The following PLPP7 variants were observed in gnomAD, a reference collection of about 807,000 sequenced individuals.
PLPP7 encodes phospholipid phosphatase 7 (inactive), also known as inactive phospholipid phosphatase 7.
Under a neutral mutation model 16.9 loss-of-function variants are expected in PLPP7, and 11 were observed. The ratio of observed to expected loss-of-function variants is 0.65; its 90% CI spans 0.41 to 1.08. The LOEUF (loss-of-function observed/expected upper bound fraction) is 1.08, where lower values mean the gene tolerates loss of function less well. Among genes scored for constraint, PLPP7 ranks in the 50% least tolerant of loss-of-function variants. PLPP7 has a pLI of 0.00. For missense variants in PLPP7, 358 were observed against 397.1 expected, an observed-to-expected ratio of 0.90 and a Z score of 0.84; for synonymous variants, 174 against 175.1, an observed-to-expected ratio of 0.99 and a Z score of 0.05.
rs1588206391 is a variant in PLPP7, at chr9:131,290,502, G to C, written c.451+54G>C. The C allele has an allele frequency of 1.4e-6, 2 of 1,457,478 alleles. No individual in the cohort carries two copies. The highest frequency in any genetic ancestry group is 4.8e-5 in the East Asian group (2 of 41,454). 90.3% of individuals were successfully genotyped at this position (1,457,478 alleles called of 1,614,324 possible). A position where few individuals can be genotyped will look rare whatever the true frequency, so the allele number is the denominator to read the frequency against. Reference sequence around the variant, plus strand: ...TGTCAGGCCCCTCGGGAGGCAGCCTGGCCTGCCCAACCCCACCCTGGCCGG... The same window carrying C: ...TGTCAGGCCCCTCGGGAGGCAGCCTCGCCTGCCCAACCCCACCCTGGCCGG... On this transcript the variant is annotated intron_variant, in intron 1 of 1. Transcript: ENST00000372264. This position sits in a 1 kb window ranked among gnomAD's most constrained non-coding sequence, Gnocchi z 4.2.
intron 1 of PLPP7, among the ~76,000 whole-genome samples, chr9:131,294,906 A>G (rs1274602508): frequency 6.6e-6 from 1 of 151,772 alleles, no homozygotes; most frequent in African/African-American, 2.4e-5. Flanking sequence ...TGGCCTCCCA[A>G]AGTGCTGGGA....
In PLPP7 at chr9:131,290,133, T is replaced by A. The variant is rs753129266; in HGVS notation, c.136T>A (p.Ser46Thr). The A allele has an allele frequency of 1.9e-6, 3 of 1,564,940 alleles. No individual in the cohort carries two copies. The highest frequency in any genetic ancestry group is 1.8e-5 in the Admixed American group (1 of 55,028). ...CTCGGGCAGAAAGGCCTCGGGCCCA[T>A]CAGCACAGCCCCCACCTGCTGGTGA... ...RSSGRKASGPSAQPPPAGDGA... is the reference protein window; with the variant it reads ...RSSGRKASGPTAQPPPAGDGA... Residue 46 changes from serine to threonine, a missense_variant, in exon 1 of 2, where the codon TCA becomes ACA. Ser to Thr is a moderately conservative substitution (Grantham distance 58, BLOSUM62 1). Coordinates refer to ENST00000372264, the MANE Select transcript of PLPP7 (RefSeq NM_032728.4). The surrounding 1 kb of genome is among the most constrained non-coding windows in gnomAD (Gnocchi z 4.2).
intron 1 of PLPP7, among the ~76,000 whole-genome samples, chr9:131,304,629 T>G (rs978279963): frequency 1.3e-5 from 2 of 151,982 alleles, no homozygotes; most frequent in Non-Finnish European, 2.9e-5. Context: ...AGTGAGACTC[T>G]GTCTCAAAAA....
chr9:131,295,887 G>T lies in PLPP7; in HGVS notation c.451+5439G>T, dbSNP rs1279197137. On this transcript the variant is annotated intron_variant, in intron 1 of 1. Coordinates refer to ENST00000372264, the MANE Select transcript of PLPP7 (RefSeq NM_032728.4). This position sits in a 1 kb window ranked among gnomAD's most constrained non-coding sequence, Gnocchi z 4.0. Reference sequence around the variant, plus strand: ...TCAGTTACAGGATGGACCACATTTCGTGTATCCATTCGTGCACCCATGGAC... The same window carrying T: ...TCAGTTACAGGATGGACCACATTTCTTGTATCCATTCGTGCACCCATGGAC... Among the ~76,000 whole-genome samples, 1 of 152,060 alleles carries T rather than the reference G, an allele frequency of 6.6e-6. No homozygotes were observed. Among genetic ancestry groups the T allele is most frequent in the Non-Finnish European group, 1.5e-5 (1 of 68,014 alleles).
chr9:131,294,259 C>G (rs1835712026), intron 1 of PLPP7, among the ~76,000 whole-genome samples: 1 of 151,828 alleles, frequency 6.6e-6, no homozygotes, highest in African/African-American at 2.4e-5. Flanking sequence ...GTGACTTTGC[C>G]TCTCTGAGCC....
chr9:131,292,024 T>C (rs1211934247), intron 1 of PLPP7, among the ~76,000 whole-genome samples: 3 of 152,222 alleles, frequency 2.0e-5, no homozygotes, highest in Non-Finnish European at 4.4e-5. Context: ...TAAAGCAACC[T>C]GGCCCAGCCT....
At chr9:131,294,236 G>A (rs1835711696) in intron 1 of PLPP7, among the ~76,000 whole-genome samples, 1 of 152,020 alleles carries the variant, frequency 6.6e-6, no homozygotes, top group South Asian at 2.1e-4. Flanking sequence ...CCCTGCTGTG[G>A]GAACTCAGGC....
rs190651731 is a variant in PLPP7 at position 131,294,319 on chromosome 9, T to C, written c.451+3871T>C. Among the ~76,000 whole-genome samples, 333 of 152,324 alleles carry C rather than the reference T, an allele frequency of 2.2e-3. 1 individual carries two copies. The highest frequency in any genetic ancestry group is 7.7e-3 in the African/African-American group (320 of 41,572). ...GTTGTTGGGAAATCTCCCTGATGAA[T>C]CACACATGAAGTGCTTGGCACTTAC... On this transcript the variant is annotated intron_variant, in intron 1 of 1. Coordinates refer to ENST00000372264, the MANE Select transcript of PLPP7 (RefSeq NM_032728.4).
rs759445487 is a variant in PLPP7, at chr9:131,308,055, G to C, written c.584G>C (p.Ser195Thr). The C allele has an allele frequency of 6.2e-7, 1 of 1,601,144 alleles. No individual in the cohort carries two copies. The highest frequency in any genetic ancestry group is 1.1e-5 in the South Asian group (1 of 91,076). ...TACGCCTTCCCGGCCGGGCACGCCA[G>C]CCGCGCCGCCATGGTGTCCAAGTTC... Reference protein sequence around the residue: ...DIYAFPAGHASRAAMVSKFFL... With the variant: ...DIYAFPAGHATRAAMVSKFFL... The change falls in exon 2 of 2, where the codon AGC (serine) becomes ACC (threonine). Residue 195 changes from serine to threonine, a missense_variant. Transcript: ENST00000372264.
intron 1 of PLPP7, among the ~76,000 whole-genome samples, chr9:131,294,444 A>T (rs1197715746): frequency 6.6e-6 from 1 of 152,066 alleles, no homozygotes; most frequent in Non-Finnish European, 1.5e-5. Context: ...GTACCTTCCA[A>T]GCTCTAGATG....
At chr9:131,292,888 C>T in intron 1 of PLPP7, 1 of 985,370 alleles carries the variant, frequency 1.0e-6, no homozygotes, top group Non-Finnish European at 1.2e-6. Flanking sequence ...CAGCCAGCTG[C>T]CATGGGCACA....
intron 1 of PLPP7, among the ~76,000 whole-genome samples, chr9:131,303,685 T>C (rs1167292952): frequency 6.6e-6 from 1 of 152,148 alleles, no homozygotes; most frequent in African/African-American, 2.4e-5. Flanking sequence ...GCGACTTCCA[T>C]GCTTTAGCAC....
chr9:131,299,822 G>A (rs980608851), intron 1 of PLPP7, among the ~76,000 whole-genome samples: 1 of 152,186 alleles, frequency 6.6e-6, no homozygotes, highest in Non-Finnish European at 1.5e-5. Context: ...AAGAACCGGC[G>A]GTGCCCAAGA....
chr9:131,301,689 G>A (rs2131218554), intron 1 of PLPP7, among the ~76,000 whole-genome samples: 1 of 152,330 alleles, frequency 6.6e-6, no homozygotes, highest in South Asian at 2.1e-4. Context: ...CTCACAGGCA[G>A]TGTAATGGCA....
intron 1 of PLPP7, chr9:131,291,224 G>T (rs1334852172): frequency 2.2e-6 from 3 of 1,349,750 alleles, no homozygotes; most frequent in Non-Finnish European, 3.0e-6. Context: ...GCACCACCAG[G>T]TCCCCAAGGT....
At chr9:131,306,014 G>T (rs1212306107) in intron 1 of PLPP7, among the ~76,000 whole-genome samples, 1 of 152,030 alleles carries the variant, frequency 6.6e-6, no homozygotes, top group Non-Finnish European at 1.5e-5. Flanking sequence ...AAGACGGGCG[G>T]ATCGCGAGGT....
chr9:131,302,099 G>A (rs1000583298), intron 1 of PLPP7, among the ~76,000 whole-genome samples: 6 of 152,114 alleles, frequency 3.9e-5, no homozygotes, highest in Non-Finnish European at 5.9e-5. Flanking sequence ...AATTACAGGC[G>A]TGAGCCACTG....
intron 1 of PLPP7, among the ~76,000 whole-genome samples, chr9:131,297,386 C>CTT (rs10706585): frequency 2.2e-5 from 3 of 137,036 alleles, no homozygotes; most frequent in Admixed American, 7.3e-5. Context: ...CAGGTGGAGT[C>CTT]TTTTTTTTTT....
chr9:131,307,551 C>CAAAAAAAAAAAAAAAAAAAAAAA (rs57469502), intron 1 of PLPP7, among the ~76,000 whole-genome samples: 1 of 60,586 alleles, frequency 1.7e-5, no homozygotes, highest in Non-Finnish European at 2.8e-5. Context: ...AACTCTGTCT[C>CAAAAAAAAAAAAAAAAAAAAAAA]AAAAAAAAAA....
Sources: allele counts gnomAD v4.1 joint callset (sites outside exome capture counted in the v4.1 genomes callset), GRCh38; gene constraint gnomAD v4.1.1; non-coding constraint Gnocchi (gnomAD v3.1); transcripts MANE v1.5; gene names NCBI Gene and HGNC (gene_info 2026-07-23, HGNC 2026-07-21).